Variants in ASNS observed in about 807,000 individuals in gnomAD.
ASNS encodes the protein asparagine synthetase (glutamine-hydrolyzing).
ASNS carries 37 observed loss-of-function variants against 62.6 expected under a neutral mutation model. That is an observed-to-expected ratio of 0.59 (90% CI 0.45 to 0.78). The LOEUF (loss-of-function observed/expected upper bound fraction) is 0.78. Ranked by LOEUF, ASNS falls within the 30% of genes least tolerant of loss-of-function variation. The pLI is 0.00. For synonymous variants in ASNS, 207 were observed against 237.9 expected, an observed-to-expected ratio of 0.87 and a Z score of 1.19; for missense variants, 520 against 682.4, an observed-to-expected ratio of 0.76 and a Z score of 2.65.
chr7:97,861,285 T>C (rs1202457524), intron 4 of ASNS, among the ~76,000 whole-genome samples: 1 of 152,172 alleles, frequency 6.6e-6, no homozygotes. Flanking sequence ...GTGCTGGGAT[T>C]ACAGGCATAA....
chr7:97,868,536 T>TAC (rs1554350486), intron 3 of ASNS, among the ~76,000 whole-genome samples: 1 of 151,592 alleles, frequency 6.6e-6, no homozygotes, highest in Non-Finnish European at 1.5e-5. Context: ...TGTGTGTGTG[T>TAC]GTGTGTGTAG....
chr7:97,893,555 C>A, the ASNS span, among the ~76,000 whole-genome samples: 2 of 152,170 alleles, frequency 1.3e-5, no homozygotes, highest in Non-Finnish European at 2.9e-5. Context: ...AAACAGAAAT[C>A]AAAAATAATC....
At chr7:97,909,572 T>G in the ASNS span, among the ~76,000 whole-genome samples, 10 of 152,178 alleles carry the variant, frequency 6.6e-5, no homozygotes, top group Admixed American at 1.3e-4. Context: ...GCCTCCCAAG[T>G]GCTAAGATTA....
intron 3 of ASNS, among the ~76,000 whole-genome samples, chr7:97,865,987 T>A (rs759728055): frequency 3.9e-5 from 6 of 152,170 alleles, no homozygotes; most frequent in Non-Finnish European, 7.4e-5. Context: ...AAAATGCACA[T>A]GTAATGTCAT....
Position 97,853,233 on chromosome 7 carries a change from G to T in ASNS, c.1321-18C>A. On this transcript the variant is annotated intron_variant, in intron 11 of 12. Transcript: ENST00000394308. ...ATCCCATTCTGACGTGACAAAAAAA[G>T]GAGCATCAGGTAAAAATTACAAATA... is the stretch of plus-strand genomic sequence containing the variant. The T allele has an allele frequency of 6.2e-7, 1 of 1,605,294 alleles. No individual in the cohort carries two copies. Among genetic ancestry groups the T allele is most frequent in the Non-Finnish European group, 8.5e-7 (1 of 1,175,304 alleles).
the ASNS span, among the ~76,000 whole-genome samples, chr7:97,913,296 G>A: frequency 2.0e-5 from 3 of 152,156 alleles, no homozygotes; most frequent in Non-Finnish European, 4.4e-5. Flanking sequence ...TCCTGTCTGG[G>A]ATCTCCAACT....
upstream of ASNS, among the ~76,000 whole-genome samples, chr7:97,877,099 T>C (rs867573389): frequency 1.4e-3 from 204 of 148,860 alleles, 2 homozygotes; most frequent in South Asian, 0.034. Context: ...TAACTTCTTT[T>C]TTTTTTTTTT....
At chr7:97,925,374 A>T in the ASNS span, among the ~76,000 whole-genome samples, 2 of 152,156 alleles carry the variant, frequency 1.3e-5, no homozygotes, top group Non-Finnish European at 2.9e-5. Flanking sequence ...ACAAATGTAG[A>T]CCAATGGCTC....
chr7:97,900,965 C>T, the ASNS span, among the ~76,000 whole-genome samples: 1 of 152,162 alleles, frequency 6.6e-6, no homozygotes, highest in Non-Finnish European at 1.5e-5. Context: ...GCTGAGAAAT[C>T]TCTCAAAGGA....
chr7:97,917,600 C>T, the ASNS span, among the ~76,000 whole-genome samples: 4 of 152,236 alleles, frequency 2.6e-5, no homozygotes, highest in African/African-American at 7.2e-5. Context: ...CAGCCCCAGA[C>T]CTTGGCAAGA....
upstream of ASNS, among the ~76,000 whole-genome samples, chr7:97,873,715 C>T (rs571557209): frequency 5.5e-4 from 84 of 152,242 alleles, no homozygotes; most frequent in African/African-American, 1.9e-3. Flanking sequence ...TCTGTGTAAA[C>T]CCAGAGCCCA....
chr7:97,873,489 A>T (rs1584482467), upstream of ASNS, among the ~76,000 whole-genome samples: 1 of 152,230 alleles, frequency 6.6e-6, no homozygotes, highest in Non-Finnish European at 1.5e-5. Context: ...AGGCAAGAGC[A>T]AAGATGAGAG....
At chr7:97,916,014 A>G in the ASNS span, among the ~76,000 whole-genome samples, 1 of 152,204 alleles carries the variant, frequency 6.6e-6, no homozygotes, top group Admixed American at 6.5e-5. Flanking sequence ...CCAGCTGGAC[A>G]CACATACACC....
the ASNS span, among the ~76,000 whole-genome samples, chr7:97,916,672 C>T: frequency 6.6e-6 from 1 of 152,192 alleles, no homozygotes; most frequent in Non-Finnish European, 1.5e-5. Context: ...TCCCAAGCAG[C>T]ATTCAGAGGT....
At chr7:97,880,164 A>T in the ASNS span, among the ~76,000 whole-genome samples, 1 of 149,370 alleles carries the variant, frequency 6.7e-6, no homozygotes, top group East Asian at 2.0e-4. Flanking sequence ...TCTCACTGTC[A>T]CCCAGGCTGG....
At chr7:97,924,955 G>C in the ASNS span, among the ~76,000 whole-genome samples, 1 of 152,148 alleles carries the variant, frequency 6.6e-6, no homozygotes, top group Non-Finnish European at 1.5e-5. Flanking sequence ...TGGACAACAT[G>C]GTGAAACCCC....
chr7:97,887,155 C>T, the ASNS span, among the ~76,000 whole-genome samples: 2 of 152,216 alleles, frequency 1.3e-5, no homozygotes, highest in South Asian at 2.1e-4. Flanking sequence ...ATATAATCAG[C>T]CAATCGTTGC....
the ASNS span, among the ~76,000 whole-genome samples, chr7:97,924,920 T>C: frequency 6.6e-6 from 1 of 152,216 alleles, no homozygotes; most frequent in African/African-American, 2.4e-5. Context: ...GCGGATCACC[T>C]TAGGTCAGGA....
intron 10 of ASNS, 142 bp downstream of exon 10, chr7:97,854,438 C>T (rs17279084): frequency 9.9e-7 from 1 of 1,007,568 alleles, no homozygotes. Context: ...AAAAGTCACA[C>T]TTTGTAACAT....
Sources: allele counts gnomAD v4.1 joint callset (sites outside exome capture counted in the v4.1 genomes callset), GRCh38; gene constraint gnomAD v4.1.1; transcripts MANE v1.5; gene names NCBI Gene and HGNC (gene_info 2026-07-23, HGNC 2026-07-21).